UNC5D: variants seen among roughly 807,000 people sequenced by gnomAD.
The protein encoded by UNC5D is netrin receptor UNC5D.
In UNC5D, 39 loss-of-function variants were observed where a neutral mutation model predicts 105.4. The observed-to-expected ratio is 0.37, with a 90% CI of 0.29 to 0.48. UNC5D has a LOEUF of 0.48. Among genes scored for constraint, UNC5D ranks in the 20% least tolerant of loss-of-function variants. The pLI, the probability that UNC5D is intolerant of heterozygous loss-of-function variation, is 0.98. For missense variants in UNC5D, 991 were observed against 1,202.4 expected, an observed-to-expected ratio of 0.82 and a Z score of 2.60; for synonymous variants, 452 against 450.4, an observed-to-expected ratio of 1.00 and a Z score of -0.04.
At chr8:35,743,001 T>C (rs1304425154) in intron 11 of UNC5D, among the ~76,000 whole-genome samples, 1 of 152,182 alleles carries the variant, frequency 6.6e-6, no homozygotes, top group African/African-American at 2.4e-5. Flanking sequence ...AGTGTTTGGT[T>C]ACATGAATAT....
intron 1 of UNC5D, among the ~76,000 whole-genome samples, chr8:35,264,065 G>A (rs1011761071): frequency 1.3e-5 from 2 of 152,048 alleles, no homozygotes; most frequent in African/African-American, 4.8e-5. Flanking sequence ...CCTTTGTTTG[G>A]TCCAGGCAAA....
chr8:35,684,572 T>TC lies in UNC5D; in HGVS notation c.752-9dup, dbSNP rs1309958266. ...CCTTTTTTTCTCCCCTCCCCATTTT[T>TC]CTCTCTCAGTGAATGGAGGCTGGTC... On this transcript the variant is annotated splice_polypyrimidine_tract_variant and intron_variant, in intron 5 of 16. Coordinates refer to ENST00000404895, the MANE Select transcript of UNC5D (RefSeq NM_080872.4). 1.2e-6 allele frequency: 2 copies of TC among 1,607,896 alleles called. No homozygotes were observed. The highest frequency in any genetic ancestry group is 1.3e-5 in the African/African-American group (1 of 74,578).
At chr8:35,402,769 C>T (rs1804554876) in intron 1 of UNC5D, among the ~76,000 whole-genome samples, 1 of 152,098 alleles carries the variant, frequency 6.6e-6, no homozygotes, top group Non-Finnish European at 1.5e-5. Context: ...CTAACCTTAG[C>T]ACTTCTTACT....
In UNC5D at chr8:35,295,747, C is replaced by G. The variant is rs550210717; in HGVS notation, c.103+59860C>G. Among the ~76,000 whole-genome samples the G allele has an allele frequency of 1.2e-4, 18 of 152,302 alleles. 1 individual carries two copies. In the South Asian group the frequency reaches 2.7e-3, roughly 23 times the overall value. Reference sequence around the variant, plus strand: ...CAAGTACATAATATGGTATTATTAACTGTCATCACCATGATGTACATTAGC... The same window carrying G: ...CAAGTACATAATATGGTATTATTAAGTGTCATCACCATGATGTACATTAGC... On this transcript the variant is annotated intron_variant, in intron 1 of 16. Coordinates refer to ENST00000404895, the MANE Select transcript of UNC5D (RefSeq NM_080872.4).
At chr8:35,605,985 T>A (rs911580709) in intron 4 of UNC5D, among the ~76,000 whole-genome samples, 8 of 151,752 alleles carry the variant, frequency 5.3e-5, no homozygotes, top group Non-Finnish European at 1.0e-4. Flanking sequence ...TTTTTTTTTA[T>A]TTATTTTTTA....
intron 1 of UNC5D, among the ~76,000 whole-genome samples, chr8:35,282,866 T>C (rs17255351): frequency 0.016 from 2,483 of 152,304 alleles, 70 homozygotes; most frequent in African/African-American, 0.056. Context: ...GGCTTTTTAC[T>C]TTTTAAAATT....
chr8:35,440,787 G>A (rs893233561), intron 1 of UNC5D, among the ~76,000 whole-genome samples: 4 of 152,076 alleles, frequency 2.6e-5, no homozygotes, highest in Admixed American at 2.6e-4. Flanking sequence ...TTTGTCACAA[G>A]TGAATCAGTG....
chr8:35,306,653 AT>A (rs980896128), intron 1 of UNC5D, among the ~76,000 whole-genome samples: 1 of 152,128 alleles, frequency 6.6e-6, no homozygotes, highest in African/African-American at 2.4e-5. Context: ...ATTACTTTAG[AT>A]TTACATTGGG....
intron 1 of UNC5D, among the ~76,000 whole-genome samples, chr8:35,515,973 C>G (rs574769035): frequency 6.6e-6 from 1 of 152,028 alleles, no homozygotes. Context: ...TTAGTTTTTC[C>G]TACCCCATCA....
chr8:35,595,464 G>A (rs1819433109), intron 3 of UNC5D, 90 bp from the exon 4 acceptor site: 1 of 1,030,828 alleles, frequency 9.7e-7, no homozygotes, highest in Admixed American at 1.7e-5. Context: ...TCTAGGTTGT[G>A]ATATTAAGCT....
At chr8:35,261,850 T>C (rs932394111) in intron 1 of UNC5D, among the ~76,000 whole-genome samples, 18 of 152,340 alleles carry the variant, frequency 1.2e-4, no homozygotes, top group Non-Finnish European at 2.1e-4. Flanking sequence ...AGGTTGTTTT[T>C]AATTAAGCTC....
At chr8:35,473,236 A>G (rs1194978405) in intron 1 of UNC5D, among the ~76,000 whole-genome samples, 1 of 152,200 alleles carries the variant, frequency 6.6e-6, no homozygotes, top group Non-Finnish European at 1.5e-5. Flanking sequence ...GATGTCCCAG[A>G]GGATGGGGAG....
intron 11 of UNC5D, among the ~76,000 whole-genome samples, chr8:35,740,016 T>A (rs1220380263): frequency 6.6e-6 from 1 of 152,288 alleles, no homozygotes; most frequent in South Asian, 2.1e-4. Context: ...CAAATTACGG[T>A]GGGTGTTCTG....
chr8:35,492,812 A>G (rs1485753279), intron 1 of UNC5D, among the ~76,000 whole-genome samples: 1 of 152,158 alleles, frequency 6.6e-6, no homozygotes, highest in African/African-American at 2.4e-5. Context: ...AACTGGCCAC[A>G]ATGGGCAAGT....
intron 1 of UNC5D, among the ~76,000 whole-genome samples, chr8:35,305,164 G>A (rs1426308754): frequency 6.6e-6 from 1 of 152,062 alleles, no homozygotes; most frequent in Non-Finnish European, 1.5e-5. Context: ...TGAAAGAGAG[G>A]TTATATTTGT....
intron 14 of UNC5D, among the ~76,000 whole-genome samples, chr8:35,760,702 G>C (rs1324072347): frequency 6.6e-6 from 1 of 152,046 alleles, no homozygotes; most frequent in African/African-American, 2.4e-5. Context: ...AATGCTTTCA[G>C]GCTTCTTTGT....
At chr8:35,584,203 A>G (rs1189534081) in intron 3 of UNC5D, among the ~76,000 whole-genome samples, 1 of 152,152 alleles carries the variant, frequency 6.6e-6, no homozygotes, top group Non-Finnish European at 1.5e-5. Flanking sequence ...ACAAAAAAAG[A>G]AGCAGGTGGC....
chr8:35,335,085 G>C (rs1210775983), intron 1 of UNC5D, among the ~76,000 whole-genome samples: 1 of 152,120 alleles, frequency 6.6e-6, no homozygotes, highest in Non-Finnish European at 1.5e-5. Flanking sequence ...CACTTTGTTT[G>C]AGGTTCTTCT....
At chr8:35,426,916 TA>T (rs972671774) in intron 1 of UNC5D, among the ~76,000 whole-genome samples, 1 of 152,152 alleles carries the variant, frequency 6.6e-6, no homozygotes, top group Non-Finnish European at 1.5e-5. Context: ...GCACAGTGAG[TA>T]AAAGCCATGG....
Sources: gnomAD v4.1 joint callset for allele counts (sites outside exome capture counted in the v4.1 genomes callset) on GRCh38, gnomAD v4.1.1 for gene constraint, MANE v1.5 for transcripts, NCBI Gene and HGNC (gene_info 2026-07-23, HGNC 2026-07-21) for gene names.